SRBD1: variants seen among roughly 807,000 people sequenced by gnomAD.
The protein encoded by SRBD1 is S1 RNA binding domain 1.
SRBD1 carries 88 observed loss-of-function variants against 115.3 expected under a neutral mutation model. The ratio of observed to expected loss-of-function variants is 0.76; its 90% CI spans 0.64 to 0.91. The LOEUF (loss-of-function observed/expected upper bound fraction) is 0.91. Among genes scored for constraint, SRBD1 ranks in the 40% least tolerant of loss-of-function variants. The probability of loss-of-function intolerance (pLI) is 0.00; values close to 1 mark genes in which losing one functional copy is unlikely to be tolerated. For synonymous variants in SRBD1, 509 were observed against 407.7 expected (o/e 1.25, Z -2.99); for missense variants, 1,385 against 1,177.4 (o/e 1.18, Z -2.58).
At chr2:45,556,638 T>C (rs964133805) in intron 10 of SRBD1, among the ~76,000 whole-genome samples, 1 of 151,958 alleles carries the variant, frequency 6.6e-6, no homozygotes, top group Non-Finnish European at 1.5e-5. Context: ...AATTTTTGTA[T>C]TTTTAGCAGA....
chr2:45,545,315 A>AAAAAAC (rs1209226372), intron 14 of SRBD1, among the ~76,000 whole-genome samples: 53 of 123,622 alleles, frequency 4.3e-4, no homozygotes, highest in South Asian at 2.5e-3. Context: ...AAAAAAAAAA[A>AAAAAAC]CAGATGAACC....
intron 4 of SRBD1, among the ~76,000 whole-genome samples, chr2:45,596,119 T>G (rs1001593219): frequency 2.0e-5 from 3 of 152,208 alleles, no homozygotes; most frequent in African/African-American, 4.8e-5. Flanking sequence ...ATGAGACAAC[T>G]TGCTTCCAAG....
At chr2:45,435,758 A>G (rs942774871) in intron 16 of SRBD1, among the ~76,000 whole-genome samples, 3 of 152,138 alleles carry the variant, frequency 2.0e-5, no homozygotes, top group African/African-American at 4.8e-5. Context: ...AAAGGATTAC[A>G]CTACCCCCAC....
chr2:45,482,613 AACAC>A (rs70937962), intron 15 of SRBD1, among the ~76,000 whole-genome samples: 48,641 of 148,256 alleles, frequency 0.33, 7,813 homozygotes, highest in Middle Eastern at 0.42. Flanking sequence ...CACAACGTTA[AACAC>A]ACACACACAC....
intron 14 of SRBD1, among the ~76,000 whole-genome samples, chr2:45,531,013 A>G (rs914794850): frequency 6.7e-6 from 1 of 148,976 alleles, no homozygotes; most frequent in Non-Finnish European, 1.5e-5. Context: ...TCAATTGTCA[A>G]ATAATTTGCG....
chr2:45,472,743 G>C (rs553993209), intron 16 of SRBD1, among the ~76,000 whole-genome samples: 1 of 152,276 alleles, frequency 6.6e-6, no homozygotes, highest in African/African-American at 2.4e-5. Flanking sequence ...AGAAAAGTTT[G>C]TAATATGCAT....
intron 12 of SRBD1, among the ~76,000 whole-genome samples, chr2:45,550,271 C>T (rs2104048719): frequency 6.6e-6 from 1 of 151,914 alleles, no homozygotes; most frequent in East Asian, 1.9e-4. Context: ...ATTGGAGTTC[C>T]AGAAAGAGAT....
In SRBD1 at chr2:45,427,211, C is replaced by T. The variant is rs548995353; in HGVS notation, c.2050-7317G>A. On this transcript the variant is annotated intron_variant, in intron 16 of 20. Transcript: ENST00000263736. ...TAAATGACCTGATGAAGCTGAAAAA[C>T]ACCGCACAAGAACTTCATGAAGTGT... Among the ~76,000 whole-genome samples the T allele has an allele frequency of 1.8e-4, 27 of 150,776 alleles. No individual in the cohort carries two copies. In the South Asian group the frequency reaches 3.4e-3, roughly 19 times the overall value.
At chr2:45,585,413 C>T (rs372805545) in intron 5 of SRBD1, among the ~76,000 whole-genome samples, 195 bp downstream of exon 5, 1 of 152,202 alleles carries the variant, frequency 6.6e-6, no homozygotes, top group South Asian at 2.1e-4. Context: ...TTTGCTAATA[C>T]ATGCTCAAGC....
At chr2:45,494,070 A>G (rs918799772) in intron 14 of SRBD1, among the ~76,000 whole-genome samples, 2 of 148,254 alleles carry the variant, frequency 1.3e-5, no homozygotes, top group African/African-American at 4.9e-5. Flanking sequence ...TGACTGAAAC[A>G]AAGTGGAAAA....
intron 14 of SRBD1, among the ~76,000 whole-genome samples, chr2:45,508,183 G>T (rs1190263408): frequency 1.3e-5 from 2 of 151,956 alleles, no homozygotes; most frequent in African/African-American, 2.4e-5. Context: ...ACACAAATTA[G>T]AAGAAAGCTA....
chr2:45,532,374 C>G (rs1671639601), intron 14 of SRBD1, among the ~76,000 whole-genome samples: 1 of 151,802 alleles, frequency 6.6e-6, no homozygotes, highest in African/African-American at 2.4e-5. Context: ...GTACCTCTTT[C>G]ATGGCACATT....
At chr2:45,507,772 T>G (rs1477541410) in intron 14 of SRBD1, among the ~76,000 whole-genome samples, 1 of 151,972 alleles carries the variant, frequency 6.6e-6, no homozygotes, top group Non-Finnish European at 1.5e-5. Flanking sequence ...ATAATCCATA[T>G]TCAGTCAATT....
At chr2:45,451,036 CACA>C (rs911089909) in intron 16 of SRBD1, among the ~76,000 whole-genome samples, 1 of 152,070 alleles carries the variant, frequency 6.6e-6, no homozygotes, top group African/African-American at 2.4e-5. Context: ...CGGCCATTTT[CACA>C]ACATCAAGGA....
intron 15 of SRBD1, among the ~76,000 whole-genome samples, chr2:45,478,350 T>C (rs1392515279): frequency 6.6e-6 from 1 of 152,200 alleles, no homozygotes; most frequent in East Asian, 1.9e-4. Context: ...TAATCAGACA[T>C]AAGATCTACT....
At chr2:45,557,214 T>C (rs1672507842) in intron 10 of SRBD1, among the ~76,000 whole-genome samples, 2 of 152,166 alleles carry the variant, frequency 1.3e-5, no homozygotes, top group Non-Finnish European at 2.9e-5. Flanking sequence ...TAAAGGGTCT[T>C]ATACACAAAG....
chr2:45,545,908 T>C (rs1025292942), intron 14 of SRBD1, among the ~76,000 whole-genome samples: 1 of 152,200 alleles, frequency 6.6e-6, no homozygotes, highest in African/African-American at 2.4e-5. Flanking sequence ...TGTGTTAGGT[T>C]TTACTTTCTG....
intron 14 of SRBD1, among the ~76,000 whole-genome samples, chr2:45,493,077 C>T (rs982641319): frequency 6.6e-6 from 1 of 152,188 alleles, no homozygotes; most frequent in Non-Finnish European, 1.5e-5. Flanking sequence ...CCTTTTCCTT[C>T]CTTCTGCCTA....
intron 4 of SRBD1, among the ~76,000 whole-genome samples, chr2:45,597,095 C>T (rs1673925672): frequency 6.6e-6 from 1 of 152,066 alleles, no homozygotes; most frequent in Non-Finnish European, 1.5e-5. Context: ...ATACCTGACC[C>T]AAATTCAGCC....
Sources: allele counts gnomAD v4.1 joint callset (sites outside exome capture counted in the v4.1 genomes callset), GRCh38; gene constraint gnomAD v4.1.1; transcripts MANE v1.5; gene names NCBI Gene and HGNC (gene_info 2026-07-23, HGNC 2026-07-21).